The following COL5A3 variants were observed in gnomAD, a reference collection of about 807,000 sequenced individuals.
COL5A3 encodes collagen alpha-3(V) chain.
COL5A3 carries 172 observed loss-of-function variants against 250.0 expected under a neutral mutation model. The observed-to-expected ratio is 0.69, with a 90% confidence interval of 0.61 to 0.78. The LOEUF (loss-of-function observed/expected upper bound fraction) is 0.78. Ranked by LOEUF, COL5A3 falls within the 30% of genes least tolerant of loss-of-function variation. The probability of loss-of-function intolerance (pLI) is 0.00; values close to 1 mark genes in which losing one functional copy is unlikely to be tolerated. For synonymous variants in COL5A3, 937 were observed against 900.4 expected, an observed-to-expected ratio of 1.04 and a Z score of -0.73; for missense variants, 2,340 against 2,334.4, an observed-to-expected ratio of 1.00 and a Z score of -0.05.
rs578120063 is a variant in COL5A3 at position 9,976,586 on chromosome 19, C to T, written c.3314G>A (p.Arg1105Gln). The change falls in exon 45 of 67, where the codon CGG (arginine) becomes CAG (glutamine). Residue 1105 changes from arginine to glutamine, a missense_variant. Arg to Gln is a conservative substitution (Grantham distance 43). Around this residue, in one of 3 missense-constraint regions of COL5A3, gnomAD observed 1,179 missense variants for 1,162.6 expected, o/e 1.01. Transcript: ENST00000264828. ...DAGPPGQPGI[R>Q]GPAGHPGPPG... is the part of the protein sequence containing the mutation. Reference sequence around the variant, plus strand: ...GGGACCTGGGTGTCCTGCAGGACCCCGTATCCCTGGTTGTCCAGGTGGGCC... The same window carrying T: ...GGGACCTGGGTGTCCTGCAGGACCCTGTATCCCTGGTTGTCCAGGTGGGCC... 14 of 1,567,790 alleles carry T rather than the reference C, an allele frequency of 8.9e-6. No homozygotes were observed. The highest frequency in any genetic ancestry group is 8.4e-5 in the African/African-American group (6 of 71,740).
In COL5A3 at chr19:10,001,676, A is replaced by C; in HGVS notation, c.964-6T>G. 5 of 1,613,666 alleles carry C rather than the reference A, an allele frequency of 3.1e-6. No homozygotes were observed. Among genetic ancestry groups the C allele is most frequent in the Non-Finnish European group, 4.2e-6 (5 of 1,179,806 alleles). ...CTGTCAGGGTCCAAGCTCCTCTGAG[A>C]ACGTTAGGAAAGACCAAAGTTTTCC... On this transcript the variant is annotated splice_polypyrimidine_tract_variant and splice_region_variant and intron_variant, in intron 7 of 66. Transcript: ENST00000264828.
Position 9,967,347 on chromosome 19 carries a change from CG to C in COL5A3, c.4457del (p.Pro1486ArgfsTer38), listed in dbSNP as rs752817711. The C allele has an allele frequency of 1.1e-5, 16 of 1,438,380 alleles. No individual in the cohort carries two copies. Among genetic ancestry groups the C allele is most frequent in the South Asian group, 1.6e-5 (1 of 62,814 alleles). The allele number at this position is 1,438,380 out of a possible 1,614,324, so 89.1% of individuals were successfully genotyped here. A position where few individuals can be genotyped will look rare whatever the true frequency, so the allele number is the denominator to read the frequency against. ...DTGPAGPPGP[P>X]GAPAELHGLR... ...TTCCCCCGCCCCCCGGGGAACTCAC[CG>C]GGGGGCCTGGTGGGCCTGCAGGTCC... On this transcript the variant is annotated frameshift_variant and splice_region_variant, in exon 62 of 67. Transcript: ENST00000264828. LOFTEE classifies it high-confidence loss of function.
At chr19:9,995,291 CTT>C (rs1168756999) in intron 16 of COL5A3, among the ~76,000 whole-genome samples, 2 of 152,194 alleles carry the variant, frequency 1.3e-5, no homozygotes, top group Admixed American at 1.3e-4. Context: ...TGACAGGCCT[CTT>C]TTTTGCCGTG....
chr19:10,006,053 G>A lies in COL5A3; in HGVS notation c.247+20C>T. 1.2e-6 allele frequency: 2 copies of A among 1,612,684 alleles called. No individual in the cohort carries two copies. The highest frequency in any genetic ancestry group is 1.7e-6 in the Non-Finnish European group (2 of 1,178,898). ...GTGCCTCCCTCCGGGGAGGTACCCA[G>A]GCCTCCTACTCCAACTCACCTGGAA... is the stretch of plus-strand genomic sequence containing the variant. On this transcript the variant is annotated intron_variant, in intron 2 of 66. Coordinates refer to ENST00000264828, the MANE Select transcript of COL5A3 (RefSeq NM_015719.4).
At chr19:9,967,652 A>G (rs2086773459) in intron 61 of COL5A3, 2 of 554,530 alleles carry the variant, frequency 3.6e-6, no homozygotes, top group Non-Finnish European at 6.1e-6. Flanking sequence ...GCTTCTTAAC[A>G]TCTTTGGCAA....
intron 4 of COL5A3, among the ~76,000 whole-genome samples, chr19:10,004,898 G>A (rs1180972874): frequency 2.0e-5 from 3 of 152,064 alleles, no homozygotes; most frequent in African/African-American, 7.2e-5. Context: ...CACAGTCTCA[G>A]ACACACGACA....
intron 5 of COL5A3, 118 bp from the exon 6 acceptor site, chr19:10,003,832 G>T: frequency 1.5e-6 from 2 of 1,363,532 alleles, no homozygotes; most frequent in Non-Finnish European, 1.0e-6. Flanking sequence ...CCTGTGACCT[G>T]GAGTCAACGT....
chr19:9,962,076 C>A (rs953152395), intron 65 of COL5A3, among the ~76,000 whole-genome samples: 3 of 150,796 alleles, frequency 2.0e-5, no homozygotes, highest in African/African-American at 7.3e-5. Context: ...TTTTGAAGAG[C>A]TAATCTGAAA....
At chr19:9,972,883 C>T (rs2145075024) in intron 51 of COL5A3, 36 bp downstream of exon 51, 1 of 1,489,596 alleles carries the variant, frequency 6.7e-7, no homozygotes, top group South Asian at 1.3e-5. Context: ...CAAGTGCCCC[C>T]TCCCATGTCT....
At chr19:9,961,559 A>ATTT (rs61153479) in intron 65 of COL5A3, among the ~76,000 whole-genome samples, 25 of 126,216 alleles carry the variant, frequency 2.0e-4, no homozygotes, top group Admixed American at 9.8e-4. Flanking sequence ...ACTTCATTTA[A>ATTT]TTTTTTTTTT....
rs1302667008 is a variant in COL5A3, at chr19:9,996,507, C to T, written c.1348G>A (p.Ala450Thr). Residue 450 changes from alanine to threonine, a missense_variant, in exon 13 of 67, where the codon GCA becomes ACA. Physicochemically the swap from Ala to Thr is moderately conservative, Grantham distance 58. Around this residue, in one of 3 missense-constraint regions of COL5A3, gnomAD observed 1,152 missense variants for 1,146.3 expected, o/e 1.00. Coordinates refer to ENST00000264828, the MANE Select transcript of COL5A3 (RefSeq NM_015719.4). ...GGGGGGCCTTTAAAGGAGCCGCCTGCAAACTGGAACTGGGAGGAATTTAGT... is the reference window on the plus strand; with the variant it reads ...GGGGGGCCTTTAAAGGAGCCGCCTGTAAACTGGAACTGGGAGGAATTTAGT... ...GTVIMMPFQF[A>T]GGSFKGPPVS... 6.2e-7 allele frequency: 1 copy of T among 1,614,036 alleles called. No homozygotes were observed. The highest frequency in any genetic ancestry group is 2.2e-5 in the East Asian group (1 of 44,892).
chr19:9,966,578 C>T lies in COL5A3; in HGVS notation c.4627G>A (p.Val1543Met). Reference sequence around the variant, plus strand: ...TGGTTGCGGTGCAGCTCGTGGCACACGAGGCCCGGGCGCTCCGCAGTGCCG... The same window carrying T: ...TGGTTGCGGTGCAGCTCGTGGCACATGAGGCCCGGGCGCTCCGCAGTGCCG... Reference protein sequence around the residue: ...PPGTAERPGLVCHELHRNHPH... With the variant: ...PPGTAERPGLMCHELHRNHPH... The change falls in exon 63 of 67, where the codon GTG becomes ATG. Residue 1543 changes from valine (V) to methionine (M), a missense_variant. By Grantham distance (21) the Val-to-Met change is conservative. Around this residue, in one of 3 missense-constraint regions of COL5A3, gnomAD observed 1,179 missense variants for 1,162.6 expected, o/e 1.01. Coordinates refer to ENST00000264828, the MANE Select transcript of COL5A3 (RefSeq NM_015719.4). The T allele has an allele frequency of 1.3e-6, 2 of 1,542,384 alleles. No individual in the cohort carries two copies. Among genetic ancestry groups the T allele is most frequent in the Non-Finnish European group, 8.7e-7 (1 of 1,147,506 alleles).
intron 64 of COL5A3, among the ~76,000 whole-genome samples, chr19:9,965,701 C>T (rs947916550): frequency 3.8e-4 from 41 of 108,748 alleles, no homozygotes; most frequent in African/African-American, 1.3e-3. Flanking sequence ...GATCTGCCCC[C>T]GCTTGGCCTC....
chr19:9,998,173 G>A (rs2087300270), intron 8 of COL5A3, 24 bp from the exon 9 acceptor site: 1 of 1,598,240 alleles, frequency 6.3e-7, no homozygotes, highest in African/African-American at 1.3e-5. Flanking sequence ...AGGGGAGATG[G>A]AGAGAAAAGA....
chr19:9,995,890 C>CA, intron 15 of COL5A3, 176 bp downstream of exon 15: 1 of 685,714 alleles, frequency 1.5e-6, no homozygotes, highest in Non-Finnish European at 2.4e-6. Flanking sequence ...GCAATCCTCC[C>CA]ACCTCGGCCT....
rs780094698 is a variant in COL5A3 at position 9,979,821 on chromosome 19, G to A, written c.2712+18C>T. 47 of 1,575,170 alleles carry A rather than the reference G, an allele frequency of 3.0e-5. No homozygotes were observed. The highest frequency in any genetic ancestry group is 3.9e-5 in the Non-Finnish European group (45 of 1,163,500). ...AAAAAAAAAAGGATCAGGAATCAAAGGTTGAGGGGTTACTCACCAGTTCTC... is the reference window on the plus strand; with the variant it reads ...AAAAAAAAAAGGATCAGGAATCAAAAGTTGAGGGGTTACTCACCAGTTCTC... On this transcript the variant is annotated intron_variant, in intron 37 of 66. Transcript: ENST00000264828.
chr19:9,979,425 G>A lies in COL5A3; in HGVS notation c.2713-8C>T, dbSNP rs1007156619. On this transcript the variant is annotated splice_polypyrimidine_tract_variant and splice_region_variant and intron_variant, in intron 37 of 66. Coordinates refer to ENST00000264828, the MANE Select transcript of COL5A3 (RefSeq NM_015719.4). ...TGTCTGACCTTGGAAGCCCTAGAGAGAAAAATTAAATGTGGGGGCGGTGTT... is the reference window on the plus strand; with the variant it reads ...TGTCTGACCTTGGAAGCCCTAGAGAAAAAAATTAAATGTGGGGGCGGTGTT... 2 of 1,614,118 alleles carry A rather than the reference G, an allele frequency of 1.2e-6. No homozygotes were observed. The highest frequency in any genetic ancestry group is 3.3e-5 in the Admixed American group (2 of 60,032).
At position 9,983,582 on chromosome 19, in the gene COL5A3, AAGAAAGAAAGAAAGAAAG is replaced by A. The variant is rs1568418741; in HGVS notation, c.2407-1482_2407-1465del. ...AAAGAAAGAAAGAAAGAAAGAAAGAAAGAAAGAAAGAAAGAAAGAGAAAGAGAGAGAGAGAGAAAGAAA... is the reference window on the plus strand; with the variant it reads ...AAAGAAAGAAAGAAAGAAAGAAAGAAAGAAAGAGAGAGAGAGAGAAAGAAA... On this transcript the variant is annotated intron_variant, in intron 31 of 66. Transcript: ENST00000264828. 2.7e-3 allele frequency among the ~76,000 whole-genome samples: 311 copies of A among 117,340 alleles called. 8 individuals are homozygous for A. Among genetic ancestry groups the A allele is most frequent in the African/African-American group, 6.6e-3 (205 of 31,096 alleles). 77.0% of individuals were successfully genotyped at this position (117,340 alleles called of 152,430 possible). A position where few individuals can be genotyped will look rare whatever the true frequency, so the allele number is the denominator to read the frequency against.
chr19:9,963,402 T>C (rs991676478), intron 64 of COL5A3, among the ~76,000 whole-genome samples: 4 of 151,650 alleles, frequency 2.6e-5, no homozygotes, highest in African/African-American at 7.3e-5. Context: ...TAAATTTTTA[T>C]TTTTTGAGAC....
Sources: gnomAD v4.1 joint callset for allele counts (sites outside exome capture counted in the v4.1 genomes callset) on GRCh38, gnomAD v4.1.1 for gene constraint, gnomAD v4.1.1 regional missense constraint, MANE v1.5 for transcripts, NCBI Gene and HGNC (gene_info 2026-07-23, HGNC 2026-07-21) for gene names.